The following IPO11 variants were observed in gnomAD, a reference collection of about 807,000 sequenced individuals.
IPO11 encodes the protein importin-11.
In IPO11, 66 loss-of-function variants were observed where a neutral mutation model predicts 143.2. The ratio of observed to expected loss-of-function variants is 0.46; its 90% CI spans 0.38 to 0.57. IPO11 has a LOEUF of 0.57. IPO11 is among the 20% of genes least tolerant of loss of function. The probability of loss-of-function intolerance (pLI) is 0.00; values close to 1 mark genes in which losing one functional copy is unlikely to be tolerated. For synonymous variants in IPO11, 385 were observed against 377.8 expected (o/e 1.02, Z -0.22); for missense variants, 1,026 against 1,141.0 (o/e 0.90, Z 1.45).
In IPO11 at chr5:62,422,859, T is replaced by G. The variant is rs77123560; in HGVS notation, c.-7+9930T>G. 9.2e-3 allele frequency among the ~76,000 whole-genome samples: 1,396 copies of G among 152,300 alleles called. 20 individuals carry two copies. Among genetic ancestry groups the G allele is most frequent in the African/African-American group, 0.032 (1,311 of 41,552 alleles). ...CCCACTATAAAATATGCTTCACAAGTCTTGGATTTTTTTTTGTCTTTTTAG... is the reference window on the plus strand; with the variant it reads ...CCCACTATAAAATATGCTTCACAAGGCTTGGATTTTTTTTTGTCTTTTTAG... On this transcript the variant is annotated intron_variant, in intron 1 of 29. Transcript: ENST00000325324.
At chr5:62,618,206 T>C (rs7706610) in intron 29 of IPO11, among the ~76,000 whole-genome samples, 108,890 of 152,038 alleles carry the variant, frequency 0.72, 39,731 homozygotes, top group African/African-American at 0.86. Flanking sequence ...GAGAGAAATA[T>C]TGGTTTCATA....
chr5:62,625,595 T>TGG (rs2112488824), intron 29 of IPO11, among the ~76,000 whole-genome samples: 1 of 152,344 alleles, frequency 6.6e-6, no homozygotes, highest in East Asian at 1.9e-4. Context: ...TCACATACTT[T>TGG]CTTAGAAGCC....
Position 62,490,194 on chromosome 5 carries a change from T to G in IPO11, c.1437T>G (p.Leu479=). 6.2e-7 allele frequency: 1 copy of G among 1,603,244 alleles called. No homozygotes were observed. The highest frequency in any genetic ancestry group is 8.5e-7 in the Non-Finnish European group (1 of 1,174,766). Reference sequence around the variant, plus strand: ...ATCAGTGGTTTAAAAACCAGCTTCTTCCAGAATTACAAGTCATTCACAATA... The same window carrying G: ...ATCAGTGGTTTAAAAACCAGCTTCTGCCAGAATTACAAGTCATTCACAATA... ...DFDQWFKNQL[L]PELQVIHNRY... is the part of the protein sequence containing the mutation. The change falls in exon 15 of 30, where the codon CTT becomes CTG. Residue 479 remains leucine (L), a synonymous_variant. Transcript: ENST00000325324.
chr5:62,420,575 T>C (rs974118966), intron 1 of IPO11, among the ~76,000 whole-genome samples: 2 of 151,646 alleles, frequency 1.3e-5, no homozygotes, highest in Non-Finnish European at 2.9e-5. Flanking sequence ...CATATCTGAC[T>C]GAAACTTTTT....
At chr5:62,569,929 A>C (rs958392943) in intron 27 of IPO11, among the ~76,000 whole-genome samples, 1 of 152,216 alleles carries the variant, frequency 6.6e-6, no homozygotes, top group Non-Finnish European at 1.5e-5. Context: ...ATTTCAGTTC[A>C]ACTGGGAAAA....
intron 9 of IPO11, among the ~76,000 whole-genome samples, chr5:62,477,750 A>G (rs1723524403): frequency 6.6e-6 from 1 of 152,234 alleles, no homozygotes; most frequent in African/African-American, 2.4e-5. Flanking sequence ...TATTTAGATG[A>G]TCTGTTTTAG....
rs1166992585 is a variant in IPO11, at chr5:62,476,853, A to G, written c.828+100A>G. The G allele has an allele frequency of 4.0e-6, 5 of 1,248,910 alleles. No homozygotes were observed. In the Admixed American group the frequency reaches 1.8e-4, roughly 44 times the overall value. The allele number at this position is 1,248,910 out of a possible 1,614,324, so 77.4% of individuals were successfully genotyped here. A position where few individuals can be genotyped will look rare whatever the true frequency, so the allele number is the denominator to read the frequency against. ...TAACCATACATTTTCACTTTAGTGT[A>G]AGGAAACCTATGTTCTGACTCCTTA... On this transcript the variant is annotated intron_variant, in intron 9 of 29. Transcript: ENST00000325324.
rs56062359 is a variant in IPO11 at position 62,584,612 on chromosome 5, C to CAAA, written c.2583-6941_2583-6939dup. On this transcript the variant is annotated intron_variant, in intron 27 of 29. Transcript: ENST00000325324. The stretch of plus-strand genomic sequence containing the variant: ...TGGATGACAGAGCAAAACTGTGCCT[C>CAAA]AAAAAAAAAAAAAAAAAAAAAAAAA... Among the ~76,000 whole-genome samples the CAAA allele has an allele frequency of 1.2e-3, 70 of 58,656 alleles. 2 individuals carry two copies. Among genetic ancestry groups the CAAA allele is most frequent in the African/African-American group, 4.4e-3 (64 of 14,590 alleles). 38.5% of individuals were successfully genotyped at this position (58,656 alleles called of 152,430 possible). A position where few individuals can be genotyped will look rare whatever the true frequency, so the allele number is the denominator to read the frequency against.
intron 5 of IPO11, among the ~76,000 whole-genome samples, chr5:62,460,207 T>C (rs969156591): frequency 1.3e-5 from 2 of 152,278 alleles, no homozygotes; most frequent in Admixed American, 1.3e-4. Flanking sequence ...TAGATTGTTC[T>C]CAAACACATT....
chr5:62,618,335 G>A (rs1746217850), intron 29 of IPO11, among the ~76,000 whole-genome samples: 1 of 151,832 alleles, frequency 6.6e-6, no homozygotes, highest in South Asian at 2.1e-4. Flanking sequence ...CTAACCTTAA[G>A]TAATTTTATT....
chr5:62,450,654 C>A (rs962964004), intron 4 of IPO11, among the ~76,000 whole-genome samples: 2 of 113,486 alleles, frequency 1.8e-5, no homozygotes, highest in African/African-American at 7.0e-5. Flanking sequence ...GATTAACTTC[C>A]CCACCATTTA....
chr5:62,532,010 T>C (rs1190242928), intron 22 of IPO11, among the ~76,000 whole-genome samples: 2 of 152,202 alleles, frequency 1.3e-5, no homozygotes. Flanking sequence ...CATACCATGC[T>C]ACTTTAGGCA....
chr5:62,483,034 G>A, intron 9 of IPO11, 67 bp from the exon 10 acceptor site: 1 of 977,114 alleles, frequency 1.0e-6, no homozygotes, highest in Non-Finnish European at 1.5e-6. Context: ...TATAATTGGA[G>A]TGATTATATT....
At chr5:62,560,830 A>T (rs559799840) in intron 26 of IPO11, 2 of 179,406 alleles carry the variant, frequency 1.1e-5, no homozygotes, top group Non-Finnish European at 2.3e-5. Context: ...TGAAAAATGC[A>T]TGTTTTTTTT....
rs138470283 is a variant in IPO11 at position 62,504,871 on chromosome 5, T to C, written c.1638T>C (p.Phe546=). The C allele has an allele frequency of 1.6e-4, 253 of 1,565,228 alleles. 1 individual carries two copies. The African/African-American group carries it at 3.0e-3, about 19-fold the overall frequency. The change falls in exon 18 of 30, where the codon TTT becomes TTC. Residue 546 remains phenylalanine, a synonymous_variant. Coordinates refer to ENST00000325324, the MANE Select transcript of IPO11 (RefSeq NM_016338.5). ...ACTGTTCTTCACCTGTTGATGATTT[T>C]GAATTTAGAACAGATCAGTTTCTAC... ...ATTLKLTVDD[F]EFRTDQFLPY...
chr5:62,434,306 TTTG>T (rs1159156038), intron 1 of IPO11, among the ~76,000 whole-genome samples: 2 of 151,532 alleles, frequency 1.3e-5, no homozygotes, highest in African/African-American at 2.4e-5. Context: ...AGTCTTTTTT[TTTG>T]TTTGTTTGTT....
At chr5:62,516,311 T>G (rs1476224453) in intron 20 of IPO11, among the ~76,000 whole-genome samples, 1 of 152,208 alleles carries the variant, frequency 6.6e-6, no homozygotes, top group African/African-American at 2.4e-5. Flanking sequence ...TTTTCCTTTT[T>G]GAGACGGAGT....
intron 24 of IPO11, among the ~76,000 whole-genome samples, chr5:62,545,105 G>T (rs1743115930): frequency 1.3e-5 from 2 of 152,092 alleles, no homozygotes; most frequent in Non-Finnish European, 2.9e-5. Context: ...CTACTTTAAA[G>T]TTCATATGGA....
chr5:62,481,328 G>A (rs1177677455), intron 9 of IPO11, among the ~76,000 whole-genome samples: 1 of 152,118 alleles, frequency 6.6e-6, no homozygotes, highest in Non-Finnish European at 1.5e-5. Context: ...GGGTATCCCT[G>A]TCTTGTGCCA....
Sources: gnomAD v4.1 joint callset for allele counts (sites outside exome capture counted in the v4.1 genomes callset) on GRCh38, gnomAD v4.1.1 for gene constraint, MANE v1.5 for transcripts, NCBI Gene and HGNC (gene_info 2026-07-23, HGNC 2026-07-21) for gene names.